RBBP8: variants seen among roughly 807,000 people sequenced by gnomAD.
RBBP8 encodes RB binding protein 8, endonuclease, also known as DNA endonuclease RBBP8.
RBBP8 carries 88 observed loss-of-function variants against 108.3 expected under a neutral mutation model. The observed-to-expected ratio is 0.81, with a 90% CI of 0.68 to 0.97. The LOEUF (loss-of-function observed/expected upper bound fraction) is 0.97, where lower values mean the gene tolerates loss of function less well. Ranked by LOEUF, RBBP8 falls within the 50% of genes least tolerant of loss-of-function variation. The pLI, the probability that RBBP8 is intolerant of heterozygous loss-of-function variation, is 0.00. For synonymous variants in RBBP8, 332 were observed against 348.2 expected (o/e 0.95, Z 0.52); for missense variants, 1,023 against 1,049.0 (o/e 0.98, Z 0.34).
chr18:22,967,911 T>G (rs564775257), intron 4 of RBBP8, among the ~76,000 whole-genome samples: 39 of 152,082 alleles, frequency 2.6e-4, no homozygotes, highest in African/African-American at 9.4e-4. Flanking sequence ...CCTCCCAAAG[T>G]GTTGGGATTA....
At chr18:22,972,173 G>T (rs1430946657) in intron 5 of RBBP8, among the ~76,000 whole-genome samples, 1 of 149,660 alleles carries the variant, frequency 6.7e-6, no homozygotes, top group Non-Finnish European at 1.5e-5. Flanking sequence ...GGCCAAGATG[G>T]TGAAAACCCG....
At chr18:22,984,011 G>A (rs1192462795) in intron 7 of RBBP8, among the ~76,000 whole-genome samples, 1 of 152,146 alleles carries the variant, frequency 6.6e-6, no homozygotes, top group Non-Finnish European at 1.5e-5. Flanking sequence ...AACCCTGGAG[G>A]TGGAGGTTGC....
chr18:22,981,003 C>T (rs1368311595), intron 6 of RBBP8, among the ~76,000 whole-genome samples: 1 of 91,458 alleles, frequency 1.1e-5, no homozygotes, highest in African/African-American at 3.8e-5. Context: ...GACGGAGTCT[C>T]GCTCTGTTGC....
chr18:22,995,131 T>TC (rs1469618873), intron 12 of RBBP8, among the ~76,000 whole-genome samples: 1 of 152,220 alleles, frequency 6.6e-6, no homozygotes, highest in African/African-American at 2.4e-5. Context: ...ATTCCTTTAT[T>TC]CTGGGTTTAT....
At chr18:22,918,838 C>A (rs1205956629) in intron 3 of RBBP8, among the ~76,000 whole-genome samples, 1 of 152,068 alleles carries the variant, frequency 6.6e-6, no homozygotes, top group African/African-American at 2.4e-5. Flanking sequence ...ATCTTGAACT[C>A]CTAGCCTCAA....
Position 22,993,167 on chromosome 18 carries a change from G to A in RBBP8, c.1340G>A (p.Arg447Lys). Reference sequence around the variant, plus strand: ...TCATTGGGAGGCCGAACATCCAAAAGGAAGAAAACTGAGGAAGAAAGTGAA... The same window carrying A: ...TCATTGGGAGGCCGAACATCCAAAAAGAAGAAAACTGAGGAAGAAAGTGAA... ...LKSLGGRTSK[R>K]KKTEEESEHE... Residue 447 changes from arginine (R) to lysine (K), a missense_variant, in exon 11 of 19, where the codon AGG (arginine) becomes AAG (lysine). By Grantham distance (26) the Arg-to-Lys change is conservative (BLOSUM62 2). Transcript: ENST00000327155. The A allele has an allele frequency of 6.2e-7, 1 of 1,614,102 alleles. No homozygotes were observed. The highest frequency in any genetic ancestry group is 1.1e-5 in the South Asian group (1 of 91,074).
intron 1 of RBBP8, among the ~76,000 whole-genome samples, chr18:22,914,955 T>C (rs1356400638): frequency 9.2e-5 from 14 of 152,208 alleles, no homozygotes; most frequent in African/African-American, 2.2e-4. Flanking sequence ...CTTTCATTTA[T>C]ATTAAAAATC....
upstream of RBBP8, among the ~76,000 whole-genome samples, chr18:22,931,156 T>C (rs1191509735): frequency 6.6e-6 from 1 of 152,120 alleles, no homozygotes; most frequent in African/African-American, 2.4e-5. Context: ...CATGGTACTG[T>C]AGGAGGATCT....
intron 4 of RBBP8, among the ~76,000 whole-genome samples, chr18:22,966,391 TGA>T (rs1484048994): frequency 6.6e-6 from 1 of 152,164 alleles, no homozygotes; most frequent in East Asian, 1.9e-4. Context: ...TCCTATCTTT[TGA>T]TTTTACATCT....
chr18:23,022,642 A>AAAATAAAATAAAATAAAATAAAAT (rs1555650083), intron 18 of RBBP8, among the ~76,000 whole-genome samples: 1 of 58,714 alleles, frequency 1.7e-5, no homozygotes, highest in East Asian at 3.4e-4. Flanking sequence ...TAAAATAAAT[A>AAAATAAAATAAAATAAAATAAAAT]AAATACAATA....
chr18:22,937,010 T>C, intron 2 of RBBP8, 50 bp downstream of exon 2: 1 of 1,608,900 alleles, frequency 6.2e-7, no homozygotes, highest in Non-Finnish European at 8.5e-7. Flanking sequence ...GAGACTGTAG[T>C]GGCTTTGTAT....
chr18:23,016,949 T>A, intron 17 of RBBP8, 25 bp downstream of exon 17: 1 of 1,532,882 alleles, frequency 6.5e-7, no homozygotes, highest in African/African-American at 1.4e-5. Context: ...AGATACTAAT[T>A]TTTTTTTAAG....
intron 4 of RBBP8, among the ~76,000 whole-genome samples, chr18:22,961,813 G>A (rs1203987086): frequency 1.3e-5 from 2 of 152,070 alleles, no homozygotes; most frequent in African/African-American, 4.8e-5. Context: ...GCAGATTCCC[G>A]GGCCCCGTCC....
chr18:22,985,132 C>T lies in RBBP8; in HGVS notation c.709+142C>T, dbSNP rs2144668407. 6.2e-6 allele frequency: 7 copies of T among 1,127,138 alleles called. No individual in the cohort carries two copies. In the South Asian group the frequency reaches 1.3e-4, roughly 20 times the overall value. The allele number at this position is 1,127,138 out of a possible 1,614,324, so 69.8% of individuals were successfully genotyped here. On this transcript the variant is annotated intron_variant, in intron 8 of 18. Coordinates refer to ENST00000327155, the MANE Select transcript of RBBP8 (RefSeq NM_002894.3). ...TATATTACTAGTTTACTATCTTTTT[C>T]ATATTGGAAAGTAATGTTATCCTAT...
chr18:22,955,216 T>G (rs921889730), intron 4 of RBBP8, among the ~76,000 whole-genome samples: 1 of 152,108 alleles, frequency 6.6e-6, no homozygotes, highest in African/African-American at 2.4e-5. Context: ...TGTAATTCAT[T>G]AGGTGGTATT....
chr18:22,993,982 G>A (rs947024356), intron 12 of RBBP8, 135 bp downstream of exon 12: 72 of 685,696 alleles, frequency 1.1e-4, no homozygotes, highest in Non-Finnish European at 5.1e-5. Flanking sequence ...TTTATAGGAC[G>A]ATTCTCACAT....
At chr18:22,947,625 TAGAA>T (rs1911679981) in intron 3 of RBBP8, among the ~76,000 whole-genome samples, 1 of 152,118 alleles carries the variant, frequency 6.6e-6, no homozygotes, top group Admixed American at 6.5e-5. Context: ...GAGCTTGCTT[TAGAA>T]ATGAAGTTAG....
intron 14 of RBBP8, among the ~76,000 whole-genome samples, chr18:22,999,768 G>T (rs1038464747): frequency 1.3e-5 from 2 of 152,020 alleles, no homozygotes; most frequent in Non-Finnish European, 2.9e-5. Context: ...AAATTTTCAT[G>T]CACCTACTCT....
At chr18:22,996,290 A>T in intron 12 of RBBP8, 84 bp from the exon 13 acceptor site, 1 of 1,559,734 alleles carries the variant, frequency 6.4e-7, no homozygotes. Flanking sequence ...AAAATTTTCT[A>T]TTCTTTAGGT....
Sources: gnomAD v4.1 joint callset for allele counts (sites outside exome capture counted in the v4.1 genomes callset) on GRCh38, gnomAD v4.1.1 for gene constraint, MANE v1.5 for transcripts, NCBI Gene and HGNC (gene_info 2026-07-23, HGNC 2026-07-21) for gene names.